The following DLG2 variants were observed in gnomAD, a reference collection of about 807,000 sequenced individuals.
DLG2 encodes the protein disks large homolog 2.
Under a neutral mutation model 132.5 loss-of-function variants are expected in DLG2, and 45 were observed. The ratio of observed to expected loss-of-function variants is 0.34; its 90% CI spans 0.27 to 0.44. The LOEUF is 0.44. DLG2 is among the 20% of genes least tolerant of loss of function. The pLI, the probability that DLG2 is intolerant of heterozygous loss-of-function variation, is 1.00. For missense variants in DLG2, 1,045 were observed against 1,196.9 expected (o/e 0.87, Z 1.87); for synonymous variants, 424 against 419.6 (o/e 1.01, Z -0.13).
At chr11:85,347,296 G>A (rs1284259065) in intron 3 of DLG2, among the ~76,000 whole-genome samples, 1 of 151,906 alleles carries the variant, frequency 6.6e-6, no homozygotes. Flanking sequence ...GCTCTCTCTG[G>A]AATTTTCTAA....
chr11:85,001,921 A>G (rs187298975), intron 6 of DLG2, among the ~76,000 whole-genome samples: 33 of 152,294 alleles, frequency 2.2e-4, no homozygotes, highest in Admixed American at 1.4e-3. Context: ...TTTCTGCTCA[A>G]TTTGGCTATA....
chr11:83,744,715 A>G (rs188604633), intron 18 of DLG2, among the ~76,000 whole-genome samples: 45 of 152,244 alleles, frequency 3.0e-4, no homozygotes, highest in African/African-American at 1.0e-3. Flanking sequence ...ATACTGACAC[A>G]GAAAATGCCT....
At chr11:84,180,269 A>G (rs1433965645) in intron 8 of DLG2, among the ~76,000 whole-genome samples, 3 of 152,166 alleles carry the variant, frequency 2.0e-5, no homozygotes, top group Non-Finnish European at 4.4e-5. Context: ...CGTGGCTGAG[A>G]AAAGAATCCC....
rs553113059 is a variant in DLG2 at position 83,874,585 on chromosome 11, G to A, written c.1497-97C>T. 6.1e-4 allele frequency: 532 copies of A among 873,110 alleles called. 2 individuals carry two copies. The African/African-American group carries it at 8.2e-3, about 14-fold the overall frequency. The allele number at this position is 873,110 out of a possible 1,614,324, so 54.1% of individuals were successfully genotyped here. A position where few individuals can be genotyped will look rare whatever the true frequency, so the allele number is the denominator to read the frequency against. ...AAGTTTTAGGGTACATGTGCACAAC[G>A]TGCAGGTTAGTTACATATGTATACA... is the stretch of plus-strand genomic sequence containing the variant. On this transcript the variant is annotated intron_variant, in intron 15 of 27. Coordinates refer to ENST00000376104, the MANE Select transcript of DLG2 (RefSeq NM_001142699.3).
At chr11:83,645,388 T>C (rs934000658) in intron 18 of DLG2, among the ~76,000 whole-genome samples, 2 of 152,066 alleles carry the variant, frequency 1.3e-5, no homozygotes, top group Non-Finnish European at 2.9e-5. Flanking sequence ...ATTGAAGCAA[T>C]TTATACACCA....
intron 14 of DLG2, among the ~76,000 whole-genome samples, chr11:83,942,907 T>C (rs544221786): frequency 2.0e-5 from 3 of 152,332 alleles, no homozygotes; most frequent in African/African-American, 7.2e-5. Context: ...AAATCTCATC[T>C]TGAATTCCCA....
chr11:84,519,154 C>T (rs886853765), intron 7 of DLG2, among the ~76,000 whole-genome samples: 6 of 152,028 alleles, frequency 3.9e-5, no homozygotes, highest in African/African-American at 1.5e-4. Context: ...AATACCTTAA[C>T]GGTACAGAGA....
chr11:84,291,441 T>C (rs180971411), intron 7 of DLG2, among the ~76,000 whole-genome samples: 37 of 152,318 alleles, frequency 2.4e-4, no homozygotes, highest in African/African-American at 8.4e-4. Context: ...ATAAACAATA[T>C]GGAGTATATA....
rs1435943198 is a variant in DLG2, at chr11:83,610,753, A to G, written c.1940+22458T>C. Among the ~76,000 whole-genome samples the G allele has an allele frequency of 3.3e-5, 5 of 152,318 alleles. No individual in the cohort carries two copies. In the South Asian group the frequency reaches 6.2e-4, roughly 19 times the overall value. Reference sequence around the variant, plus strand: ...ATATAGACTGAACACTATGCTAAGCATATTATAAATAGTATCTGATTTTAT... The same window carrying G: ...ATATAGACTGAACACTATGCTAAGCGTATTATAAATAGTATCTGATTTTAT... On this transcript the variant is annotated intron_variant, in intron 19 of 27. Transcript: ENST00000376104.
At chr11:85,185,786 A>T (rs747773728) in intron 4 of DLG2, among the ~76,000 whole-genome samples, 1 of 151,862 alleles carries the variant, frequency 6.6e-6, no homozygotes, top group Non-Finnish European at 1.5e-5. Context: ...CATATATTAC[A>T]TATTAAGCAT....
At chr11:83,538,714 T>C (rs112578205) in intron 20 of DLG2, among the ~76,000 whole-genome samples, 10 of 152,364 alleles carry the variant, frequency 6.6e-5, no homozygotes, top group African/African-American at 2.4e-4. Context: ...TGTTATCAGA[T>C]GGAATTCACT....
intron 9 of DLG2, among the ~76,000 whole-genome samples, chr11:84,160,818 G>A (rs2095530564): frequency 6.6e-6 from 1 of 152,160 alleles, no homozygotes; most frequent in Admixed American, 6.6e-5. Flanking sequence ...ATTGCCATGG[G>A]AGAATATACT....
chr11:84,775,698 A>G (rs1265924980), intron 6 of DLG2, among the ~76,000 whole-genome samples: 1 of 152,152 alleles, frequency 6.6e-6, no homozygotes, highest in African/African-American at 2.4e-5. Flanking sequence ...TCTCACTTCT[A>G]AGTGGGAGTT....
intron 6 of DLG2, among the ~76,000 whole-genome samples, chr11:84,795,445 G>A (rs115884548): frequency 0.011 from 1,701 of 151,840 alleles, 33 homozygotes; most frequent in African/African-American, 0.038. Context: ...TTTCCTCCCT[G>A]CTGAGAGCTG....
At chr11:85,120,863 G>A (rs961399311) in intron 5 of DLG2, among the ~76,000 whole-genome samples, 1 of 151,956 alleles carries the variant, frequency 6.6e-6, no homozygotes, top group South Asian at 2.1e-4. Context: ...TGGTAAAGTG[G>A]TATAATAGAT....
intron 7 of DLG2, among the ~76,000 whole-genome samples, chr11:84,251,741 G>C (rs61899192): frequency 7.4e-4 from 109 of 148,178 alleles, no homozygotes; most frequent in Non-Finnish European, 1.3e-3. Flanking sequence ...TCCTGGTTCA[G>C]GCAATTCTCC....
chr11:84,220,884 G>A (rs1298293149), intron 8 of DLG2, among the ~76,000 whole-genome samples: 5 of 139,756 alleles, frequency 3.6e-5, no homozygotes, highest in Non-Finnish European at 7.6e-5. Flanking sequence ...AGGCTCAAGC[G>A]ATTCTCCCAC....
At chr11:83,923,533 C>G (rs1053180872) in intron 15 of DLG2, among the ~76,000 whole-genome samples, 2 of 152,044 alleles carry the variant, frequency 1.3e-5, no homozygotes, top group African/African-American at 4.8e-5. Flanking sequence ...TCTCCCTTCC[C>G]TCCCATTGTT....
intron 6 of DLG2, among the ~76,000 whole-genome samples, chr11:84,980,170 A>T (rs1305401302): frequency 6.6e-6 from 1 of 152,206 alleles, no homozygotes; most frequent in Non-Finnish European, 1.5e-5. Context: ...AGCCAAAATG[A>T]ATAATGTATT....
Sources: gnomAD v4.1 joint callset for allele counts (sites outside exome capture counted in the v4.1 genomes callset) on GRCh38, gnomAD v4.1.1 for gene constraint, MANE v1.5 for transcripts, NCBI Gene and HGNC (gene_info 2026-07-23, HGNC 2026-07-21) for gene names.